Variants in IGDCC3 observed in about 807,000 individuals in gnomAD.
The protein encoded by IGDCC3 is putative neuronal cell adhesion molecule.
IGDCC3 carries 47 observed loss-of-function variants against 72.0 expected under a neutral mutation model. The observed-to-expected ratio is 0.65, with a 90% CI of 0.52 to 0.83. IGDCC3 has a LOEUF of 0.83. Ranked by LOEUF, IGDCC3 falls within the 40% of genes least tolerant of loss-of-function variation. The pLI is 0.00. For missense variants in IGDCC3, 1,038 were observed against 1,091.3 expected (o/e 0.95, Z 0.69); for synonymous variants, 477 against 472.8 (o/e 1.01, Z -0.11).
chr15:65,344,627 C>T (rs1346189761), intron 2 of IGDCC3, among the ~76,000 whole-genome samples: 3 of 152,186 alleles, frequency 2.0e-5, no homozygotes, highest in Admixed American at 6.5e-5. Flanking sequence ...GACTGCAAGG[C>T]CAAAGGCGTG....
In IGDCC3 at chr15:65,329,869, G is replaced by A; in HGVS notation, c.1859-5C>T. ...AGTCACATGGTGGGCTCAAGGCTGG[G>A]GACAGGGACGGGTTGGAGGCTTTGG... On this transcript the variant is annotated splice_region_variant and splice_polypyrimidine_tract_variant and intron_variant, in intron 11 of 13. Transcript: ENST00000327987. The surrounding 1 kb of genome is among the most constrained non-coding windows in gnomAD (Gnocchi z 4.1). The A allele has an allele frequency of 6.2e-7, 1 of 1,613,848 alleles. No homozygotes were observed. Among genetic ancestry groups the A allele is most frequent in the Middle Eastern group, 1.7e-4 (1 of 6,060 alleles).
At chr15:65,355,849 C>G (rs2091216328) in intron 2 of IGDCC3, 1 of 383,510 alleles carries the variant, frequency 2.6e-6, no homozygotes, top group Non-Finnish European at 5.5e-6. Flanking sequence ...GGCACCATTT[C>G]CCGCCACCCC....
At chr15:65,375,828 A>G (rs2091355829) in intron 1 of IGDCC3, among the ~76,000 whole-genome samples, 1 of 152,188 alleles carries the variant, frequency 6.6e-6, no homozygotes, top group South Asian at 2.1e-4. Flanking sequence ...GACCTTAGGT[A>G]AAGTATTCAA....
chr15:65,354,691 C>T (rs1567067978), intron 2 of IGDCC3, among the ~76,000 whole-genome samples: 1 of 152,208 alleles, frequency 6.6e-6, no homozygotes, highest in Non-Finnish European at 1.5e-5. Flanking sequence ...CTGACTTAAA[C>T]GGTCATATGT....
At position 65,377,340 on chromosome 15, in the gene IGDCC3, G is replaced by A. The variant is rs1029472549; in HGVS notation, c.103+346C>T. Among the ~76,000 whole-genome samples, 1 of 152,134 alleles carries A rather than the reference G, an allele frequency of 6.6e-6. No homozygotes were observed. Among genetic ancestry groups the A allele is most frequent in the African/African-American group, 2.4e-5 (1 of 41,440 alleles). On this transcript the variant is annotated intron_variant, in intron 1 of 13. Coordinates refer to ENST00000327987, the MANE Select transcript of IGDCC3 (RefSeq NM_004884.4). This position sits in a 1 kb window ranked among gnomAD's most constrained non-coding sequence, Gnocchi z 4.9. Reference sequence around the variant, plus strand: ...CCCAGCACCCCAGCTCGTCCGCCTCGGTCAGCGCTTAGCCTTGCGGTCTCC... The same window carrying A: ...CCCAGCACCCCAGCTCGTCCGCCTCAGTCAGCGCTTAGCCTTGCGGTCTCC...
At chr15:65,371,957 C>T (rs1208086381) in intron 2 of IGDCC3, among the ~76,000 whole-genome samples, 1 of 152,220 alleles carries the variant, frequency 6.6e-6, no homozygotes, top group East Asian at 1.9e-4. Flanking sequence ...AAACAAGATG[C>T]ACTCTGGCTC....
At chr15:65,333,791 CA>C (rs375277301) in intron 5 of IGDCC3, among the ~76,000 whole-genome samples, 8 of 152,216 alleles carry the variant, frequency 5.3e-5, no homozygotes, top group African/African-American at 1.9e-4. Context: ...AGTCACATCA[CA>C]GTGCCCCTGT....
In IGDCC3 at chr15:65,377,518, G is replaced by A. The variant is rs2091366181; in HGVS notation, c.103+168C>T. On this transcript the variant is annotated intron_variant, in intron 1 of 13. Transcript: ENST00000327987. This position sits in a 1 kb window ranked among gnomAD's most constrained non-coding sequence, Gnocchi z 4.9. Reference sequence around the variant, plus strand: ...ACGCCCCTAGGGCCCCCAGCAGTCCGGCCTTGGTACCCTCTCCCCGTCCGG... The same window carrying A: ...ACGCCCCTAGGGCCCCCAGCAGTCCAGCCTTGGTACCCTCTCCCCGTCCGG... Among the ~76,000 whole-genome samples the A allele has an allele frequency of 6.6e-6, 1 of 152,148 alleles. No individual in the cohort carries two copies. The highest frequency in any genetic ancestry group is 6.5e-5 in the Admixed American group (1 of 15,278).
intron 9 of IGDCC3, 148 bp downstream of exon 9, chr15:65,330,902 A>G (rs1169438439): frequency 1.8e-6 from 2 of 1,096,988 alleles, no homozygotes; most frequent in African/African-American, 3.2e-5. Flanking sequence ...TTAGAAAAAG[A>G]AGCCCTTTCC....
rs2090997226 is a variant in IGDCC3 at position 65,333,401 on chromosome 15, CG to C, written c.837del (p.Ile279MetfsTer19). 3 of 1,603,806 alleles carry C rather than the reference CG, an allele frequency of 1.9e-6. No individual in the cohort carries two copies. Among genetic ancestry groups the C allele is most frequent in the Non-Finnish European group, 2.6e-6 (3 of 1,175,022 alleles). The part of the protein sequence containing the change: ...VSWSRLDGRP[I>X]GVEGIQVLGT... ...CCCAGCACCTGGATGCCCTCCACCCCGATAGGGCGACCATCTGCAGAGGAAG... is the reference window on the plus strand; with the variant it reads ...CCCAGCACCTGGATGCCCTCCACCCCATAGGGCGACCATCTGCAGAGGAAG... On this transcript the variant is annotated frameshift_variant, in exon 6 of 14. Transcript: ENST00000327987. LOFTEE classifies it high-confidence loss of function.
intron 2 of IGDCC3, among the ~76,000 whole-genome samples, chr15:65,363,139 C>T (rs952794039): frequency 3.9e-5 from 6 of 152,102 alleles, no homozygotes; most frequent in East Asian, 1.9e-4. Flanking sequence ...GGATTACAGG[C>T]GTGAGCCACC....
chr15:65,369,347 T>G (rs1237265844), intron 2 of IGDCC3, among the ~76,000 whole-genome samples: 1 of 152,194 alleles, frequency 6.6e-6, no homozygotes, highest in Non-Finnish European at 1.5e-5. Context: ...GTGGGCAACT[T>G]GTCCACAGCC....
At chr15:65,338,106 T>C (rs1311449486) in intron 2 of IGDCC3, among the ~76,000 whole-genome samples, 1 of 152,148 alleles carries the variant, frequency 6.6e-6, no homozygotes, top group Non-Finnish European at 1.5e-5. Flanking sequence ...CACAGCACAG[T>C]TGGACATGGT....
intron 2 of IGDCC3, among the ~76,000 whole-genome samples, chr15:65,338,335 A>G (rs2091049587): frequency 6.6e-6 from 1 of 152,212 alleles, no homozygotes; most frequent in African/African-American, 2.4e-5. Context: ...CTTTAAGAGT[A>G]ATTGAAAACC....
At chr15:65,337,919 G>T (rs2091045542) in intron 2 of IGDCC3, among the ~76,000 whole-genome samples, 1 of 152,214 alleles carries the variant, frequency 6.6e-6, no homozygotes, top group Non-Finnish European at 1.5e-5. Context: ...CCTCATTAAG[G>T]AACAAATCCT....
intron 2 of IGDCC3, among the ~76,000 whole-genome samples, chr15:65,372,507 T>C (rs1308225721): frequency 1.3e-5 from 2 of 152,214 alleles, no homozygotes; most frequent in Non-Finnish European, 2.9e-5. Context: ...CTGAACCCCC[T>C]GATGGAAGGG....
intron 2 of IGDCC3, among the ~76,000 whole-genome samples, chr15:65,368,487 C>A (rs2091303201): frequency 6.6e-6 from 1 of 152,106 alleles, no homozygotes; most frequent in South Asian, 2.1e-4. Context: ...GGTGTGGGAA[C>A]CAGAAGCGTT....
chr15:65,372,552 C>T (rs982545719), intron 2 of IGDCC3, among the ~76,000 whole-genome samples: 6 of 152,164 alleles, frequency 3.9e-5, no homozygotes, highest in Non-Finnish European at 5.9e-5. Context: ...TGGCCCGGAG[C>T]TCAGATGCCC....
Position 65,331,433 on chromosome 15 carries a change from G to C in IGDCC3, c.1375C>G (p.Leu459Val). The C allele has an allele frequency of 6.2e-7, 1 of 1,610,134 alleles. No individual in the cohort carries two copies. Among genetic ancestry groups the C allele is most frequent in the East Asian group, 2.2e-5 (1 of 44,782 alleles). ...ANTKEIIGYV[L>V]HIRKAADPPE... ...GCACCAGCAGCCTTCCTGATGTGCAGGACGTAGCCGATGATCTCCTTGGTG... is the reference window on the plus strand; with the variant it reads ...GCACCAGCAGCCTTCCTGATGTGCACGACGTAGCCGATGATCTCCTTGGTG... Residue 459 changes from leucine to valine, a missense_variant, in exon 8 of 14, where the codon CTG becomes GTG. Leu to Val is a conservative substitution (Grantham distance 32). Transcript: ENST00000327987.
Sources: gnomAD v4.1 joint callset for allele counts (sites outside exome capture counted in the v4.1 genomes callset) on GRCh38, gnomAD v4.1.1 for gene constraint, Gnocchi (gnomAD v3.1) non-coding constraint, MANE v1.5 for transcripts, NCBI Gene and HGNC (gene_info 2026-07-23, HGNC 2026-07-21) for gene names.